Variants in HIVEP2 observed in about 807,000 individuals in gnomAD.
HIVEP2 encodes HIVEP zinc finger 2, also known as transcription factor HIVEP2.
HIVEP2 carries 14 observed loss-of-function variants against 180.7 expected under a neutral mutation model. That is an observed-to-expected ratio of 0.08 (90% CI 0.05 to 0.12). The LOEUF is 0.12. Ranked by LOEUF, HIVEP2 falls within the 10% of genes least tolerant of loss-of-function variation. HIVEP2 has a pLI of 1.00. For synonymous variants in HIVEP2, 1,184 were observed against 1,136.4 expected, an observed-to-expected ratio of 1.04 and a Z score of -0.84; for missense variants, 2,579 against 3,008.5, an observed-to-expected ratio of 0.86 and a Z score of 3.34.
chr6:142,757,480 G>A (rs926555231), intron 9 of HIVEP2, among the ~76,000 whole-genome samples: 3 of 152,108 alleles, frequency 2.0e-5, no homozygotes, highest in African/African-American at 4.8e-5. Flanking sequence ...CCAACATGGT[G>A]AAACCATGTT....
chr6:142,767,734 T>G (rs570821620), intron 6 of HIVEP2, among the ~76,000 whole-genome samples: 1 of 152,324 alleles, frequency 6.6e-6, no homozygotes, highest in African/African-American at 2.4e-5. Context: ...ACTATACAAA[T>G]AACAAAGTCT....
At chr6:142,922,270 G>A (rs1044999774) in intron 1 of HIVEP2, among the ~76,000 whole-genome samples, 1 of 152,192 alleles carries the variant, frequency 6.6e-6, no homozygotes, top group African/African-American at 2.4e-5. Flanking sequence ...TCTTCTGCAA[G>A]GAGGGTTTAG....
At chr6:142,799,518 A>G (rs1001676512) in intron 2 of HIVEP2, among the ~76,000 whole-genome samples, 16 of 152,134 alleles carry the variant, frequency 1.1e-4, no homozygotes, top group Admixed American at 1.0e-3. Context: ...AGAAATGAAT[A>G]TTCATATTAC....
rs533986034 is a variant in HIVEP2, at chr6:142,836,076, C to T, written c.-528+859G>A. On this transcript the variant is annotated intron_variant, in intron 2 of 9. Transcript: ENST00000367603. ...GAGGAAAATTAAGTAACAAGCTGTA[C>T]AATTTTAGAATCATGAATAACATTT... Among the ~76,000 whole-genome samples, 6 of 152,212 alleles carry T rather than the reference C, an allele frequency of 3.9e-5. No homozygotes were observed. The South Asian group carries it at 1.2e-3, about 32-fold the overall frequency.
At chr6:142,807,739 A>G (rs1287385822) in intron 2 of HIVEP2, among the ~76,000 whole-genome samples, 1 of 152,194 alleles carries the variant, frequency 6.6e-6, no homozygotes, top group African/African-American at 2.4e-5. Flanking sequence ...GGACTCTAGG[A>G]CAAGTCAAAG....
At chr6:142,910,229 C>G (rs1411874009) in intron 1 of HIVEP2, among the ~76,000 whole-genome samples, 2 of 152,194 alleles carry the variant, frequency 1.3e-5, no homozygotes, top group African/African-American at 4.8e-5. Context: ...CCCAACTGAC[C>G]ATGCCACCCA....
intron 1 of HIVEP2, among the ~76,000 whole-genome samples, chr6:142,922,756 A>G (rs528824603): frequency 6.6e-6 from 1 of 152,340 alleles, no homozygotes; most frequent in East Asian, 1.9e-4. Flanking sequence ...AAGTCTGATT[A>G]AGCAACAGAA....
intron 1 of HIVEP2, among the ~76,000 whole-genome samples, chr6:142,887,087 C>T (rs758882409): frequency 1.1e-4 from 17 of 152,126 alleles, no homozygotes; most frequent in East Asian, 3.8e-4. Flanking sequence ...AGGAAGTACA[C>T]GTGTACCTCC....
At chr6:142,816,053 A>G (rs1776826750) in intron 2 of HIVEP2, among the ~76,000 whole-genome samples, 2 of 152,238 alleles carry the variant, frequency 1.3e-5, no homozygotes, top group Non-Finnish European at 2.9e-5. Flanking sequence ...CATGCAGGTG[A>G]AAATTTAAAT....
At chr6:142,921,319 T>A (rs1777678798) in intron 1 of HIVEP2, among the ~76,000 whole-genome samples, 1 of 152,218 alleles carries the variant, frequency 6.6e-6, no homozygotes, top group Admixed American at 6.5e-5. Flanking sequence ...GCAGATTGCT[T>A]GAGGCCAGGA....
In HIVEP2 at chr6:142,800,731, G is replaced by T. The variant is rs561506851; in HGVS notation, c.-527-17116C>A. 1.4e-4 allele frequency among the ~76,000 whole-genome samples: 22 copies of T among 152,154 alleles called. 1 individual carries two copies. The South Asian group carries it at 4.6e-3, about 32-fold the overall frequency. On this transcript the variant is annotated intron_variant, in intron 2 of 9. Transcript: ENST00000367603. ...GAGGAATCCCTCAAAATGCATAGAA[G>T]ATATTTAGATCTATGAAAATAATTC...
rs143300308 is a variant in HIVEP2 at position 142,892,939 on chromosome 6, G to A, written c.-641+52160C>T. On this transcript the variant is annotated intron_variant, in intron 1 of 9. Transcript: ENST00000367603. ...CGTACCAAAAAGGAAAGTGGAGCTC[G>A]GCGAGGCTTCGTAACATAGAGCAAA... 1.6e-3 allele frequency among the ~76,000 whole-genome samples: 237 copies of A among 152,238 alleles called. No individual in the cohort carries two copies. The Middle Eastern group carries it at 0.021, about 13-fold the overall frequency.
In HIVEP2 at chr6:142,919,348, C is replaced by A. The variant is rs564838402; in HGVS notation, c.-641+25751G>T. ...GTTGTTTTCTTCGCCAGTTTCAGAG[C>A]TTTATAGTTTAATATTGACTCATAA... On this transcript the variant is annotated intron_variant, in intron 1 of 9. Coordinates refer to ENST00000367603, the MANE Select transcript of HIVEP2 (RefSeq NM_006734.4). Among the ~76,000 whole-genome samples the A allele has an allele frequency of 5.4e-4, 82 of 152,246 alleles. 1 individual carries two copies. The highest frequency in any genetic ancestry group is 1.9e-3 in the African/African-American group (79 of 41,550).
chr6:142,862,498 G>T (rs1439046201), intron 1 of HIVEP2, among the ~76,000 whole-genome samples: 1 of 118,728 alleles, frequency 8.4e-6, no homozygotes, highest in African/African-American at 4.6e-5. Context: ...TCGATTATAT[G>T]TATCATATAT....
Position 142,774,037 on chromosome 6 carries a change from C to T in HIVEP2, c.702G>A (p.Lys234=). The part of the protein sequence containing the change: ...FSFKTKSNLY[K]HRKSHAHAIK... ...TTGCATGGGCATGTGACTTCCTGTG[C>T]TTGTACAAATTGCTCTTTGTCTTGA... Residue 234 remains lysine, a synonymous_variant, in exon 5 of 10, where the codon AAG becomes AAA. Coordinates refer to ENST00000367603, the MANE Select transcript of HIVEP2 (RefSeq NM_006734.4). This position sits in a 1 kb window ranked among gnomAD's most constrained non-coding sequence, Gnocchi z 5.1. 6.2e-7 allele frequency: 1 copy of T among 1,614,238 alleles called. No individual in the cohort carries two copies. The highest frequency in any genetic ancestry group is 8.5e-7 in the Non-Finnish European group (1 of 1,180,040).
intron 1 of HIVEP2, among the ~76,000 whole-genome samples, chr6:142,911,557 G>A (rs772414901): frequency 6.6e-6 from 1 of 152,186 alleles, no homozygotes; most frequent in South Asian, 2.1e-4. Context: ...TTACAGACGA[G>A]GAGACTAAGA....
At chr6:142,817,179 T>G (rs1776864326) in intron 2 of HIVEP2, among the ~76,000 whole-genome samples, 2 of 152,250 alleles carry the variant, frequency 1.3e-5, no homozygotes, top group South Asian at 4.1e-4. Flanking sequence ...TAGGTCTATA[T>G]ATTTTAGAAA....
chr6:142,756,938 C>T (rs1029476424), intron 9 of HIVEP2, among the ~76,000 whole-genome samples: 4 of 152,112 alleles, frequency 2.6e-5, no homozygotes, highest in African/African-American at 9.7e-5. Context: ...TACTGCCACA[C>T]TGTTGAAGAG....
At chr6:142,927,512 C>G (rs1023763454) in intron 1 of HIVEP2, among the ~76,000 whole-genome samples, 4 of 152,124 alleles carry the variant, frequency 2.6e-5, no homozygotes, top group African/African-American at 9.7e-5. Context: ...GGCAAGAAGG[C>G]CCCCTGAGAC....
Sources: allele counts gnomAD v4.1 joint callset (sites outside exome capture counted in the v4.1 genomes callset), GRCh38; gene constraint gnomAD v4.1.1; non-coding constraint Gnocchi (gnomAD v3.1); transcripts MANE v1.5; gene names NCBI Gene and HGNC (gene_info 2026-07-23, HGNC 2026-07-21).